UGT2B4: variants seen among roughly 807,000 people sequenced by gnomAD.
UGT2B4 encodes the protein UDP-glucuronosyltransferase 2B4.
A neutral mutation model predicts 49.8 loss-of-function variants in UGT2B4; 49 were observed. The ratio of observed to expected loss-of-function variants is 0.98; its 90% confidence interval spans 0.78 to 1.25. The LOEUF (loss-of-function observed/expected upper bound fraction) is 1.25. Ranked by LOEUF, UGT2B4 falls within the 50% of genes most tolerant of loss-of-function variation. The pLI, the probability that UGT2B4 is intolerant of heterozygous loss-of-function variation, is 0.00. For synonymous variants in UGT2B4, 246 were observed against 217.7 expected (o/e 1.13, Z -1.14); for missense variants, 729 against 627.7 (o/e 1.16, Z -1.73).
chr4:69,500,590 C>CAAGCAAGCAAGCAAGA (rs1728280213), upstream of UGT2B4, among the ~76,000 whole-genome samples: 1 of 61,000 alleles, frequency 1.6e-5, no homozygotes, highest in African/African-American at 5.4e-5. Context: ...AGCAAGAAAG[C>CAAGCAAGCAAGCAAGA]AAGCAAGAAA....
At chr4:69,511,344 T>C (rs1728598387) in intron 1 of UGT2B4, among the ~76,000 whole-genome samples, 1 of 152,140 alleles carries the variant, frequency 6.6e-6, no homozygotes, top group Admixed American at 6.6e-5. Flanking sequence ...TGAGAGACTT[T>C]TTTCTTTTTT....
chr4:69,519,988 T>C (rs1368655889), intron 1 of UGT2B4, among the ~76,000 whole-genome samples: 2 of 152,106 alleles, frequency 1.3e-5, no homozygotes, highest in Non-Finnish European at 2.9e-5. Context: ...AAATATAGTA[T>C]CTCACAAATA....
At chr4:69,516,280 C>T (rs973705055) in intron 1 of UGT2B4, among the ~76,000 whole-genome samples, 7 of 152,078 alleles carry the variant, frequency 4.6e-5, no homozygotes, top group Non-Finnish European at 7.4e-5. Context: ...ATGAACAGTG[C>T]GGCAGTGAAC....
intron 1 of UGT2B4, among the ~76,000 whole-genome samples, chr4:69,509,230 G>A (rs1728550139): frequency 7.2e-6 from 1 of 139,058 alleles, no homozygotes; most frequent in African/African-American, 2.7e-5. Context: ...GCAATGCAGT[G>A]GCAGGATCTC....
At chr4:69,521,946 G>T (rs1364253963) in intron 1 of UGT2B4, among the ~76,000 whole-genome samples, 1 of 152,156 alleles carries the variant, frequency 6.6e-6, no homozygotes, top group Non-Finnish European at 1.5e-5. Flanking sequence ...TGCAGCAAGT[G>T]TAGTATATTA....
upstream of UGT2B4, among the ~76,000 whole-genome samples, chr4:69,496,251 C>A (rs1235705899): frequency 6.6e-6 from 1 of 151,190 alleles, no homozygotes; most frequent in Non-Finnish European, 1.5e-5. Context: ...GGTCTCGAAC[C>A]CCTGACCTTG....
At chr4:69,520,430 C>T (rs375338929) in intron 1 of UGT2B4, among the ~76,000 whole-genome samples, 2 of 152,220 alleles carry the variant, frequency 1.3e-5, no homozygotes, top group East Asian at 3.9e-4. Context: ...AGGGTGGTAG[C>T]ACCGTGCTCC....
intron 1 of UGT2B4, among the ~76,000 whole-genome samples, chr4:69,502,755 T>C (rs1560439343): frequency 6.6e-6 from 1 of 152,162 alleles, no homozygotes; most frequent in East Asian, 1.9e-4. Context: ...TGTGGTGGAA[T>C]TTACCTTGCT....
chr4:69,517,786 T>G (rs564193542), intron 1 of UGT2B4: 1 of 170,002 alleles, frequency 5.9e-6, no homozygotes, highest in African/African-American at 2.4e-5. Flanking sequence ...CAGAAAGGTC[T>G]TTATGTCCGT....
chr4:69,488,922 A>T (rs1426126209), intron 3 of UGT2B4, among the ~76,000 whole-genome samples: 1 of 151,870 alleles, frequency 6.6e-6, no homozygotes, highest in Non-Finnish European at 1.5e-5. Flanking sequence ...CCTGAATATC[A>T]CTTGAATAGG....
In UGT2B4 at chr4:69,484,129, G is replaced by A. The variant is rs41297439; in HGVS notation, c.1310+1079C>T. Reference sequence around the variant, plus strand: ...GGTCTTTTTACACCCACCAAGAATGGTATAACAAAAAGACAAATAATAACA... The same window carrying A: ...GGTCTTTTTACACCCACCAAGAATGATATAACAAAAAGACAAATAATAACA... On this transcript the variant is annotated intron_variant, in intron 5 of 5. Transcript: ENST00000305107. Among the ~76,000 whole-genome samples the A allele has an allele frequency of 8.6e-3, 1,306 of 151,966 alleles. 13 individuals carry two copies. Among genetic ancestry groups the A allele is most frequent in the Non-Finnish European group, 0.015 (1,015 of 67,944 alleles).
At chr4:69,505,473 A>G (rs1468250998) in intron 1 of UGT2B4, among the ~76,000 whole-genome samples, 4 of 151,704 alleles carry the variant, frequency 2.6e-5, no homozygotes, top group Non-Finnish European at 4.4e-5. Flanking sequence ...AAAGAGAAGA[A>G]CACTGCATAA....
At chr4:69,500,288 C>T (rs537180778), upstream of UGT2B4, among the ~76,000 whole-genome samples, 8 of 152,088 alleles carry the variant, frequency 5.3e-5, no homozygotes, top group East Asian at 3.9e-4. Flanking sequence ...TAATGCATTC[C>T]GGGCTTAATA....
intron 1 of UGT2B4, among the ~76,000 whole-genome samples, chr4:69,515,625 C>T (rs957905746): frequency 1.3e-4 from 20 of 151,880 alleles, no homozygotes; most frequent in African/African-American, 4.6e-4. Context: ...AAGCAAACCC[C>T]AAAGCTAGAT....
At chr4:69,512,902 T>C (rs1485754752) in intron 1 of UGT2B4, among the ~76,000 whole-genome samples, 3 of 152,186 alleles carry the variant, frequency 2.0e-5, no homozygotes, top group Non-Finnish European at 4.4e-5. Context: ...TGTATGTTCG[T>C]GTTCTTTGCC....
chr4:69,521,042 C>G (rs943617318), intron 1 of UGT2B4, among the ~76,000 whole-genome samples: 3 of 152,186 alleles, frequency 2.0e-5, no homozygotes, highest in Admixed American at 1.3e-4. Context: ...CCTCCAGATA[C>G]AGTCAGACTC....
rs191191560 is a variant in UGT2B4, at chr4:69,486,677, C to T, written c.1022G>A (p.Gly341Glu). 1.9e-6 allele frequency: 3 copies of T among 1,607,302 alleles called. No individual in the cohort carries two copies. The highest frequency in any genetic ancestry group is 2.5e-6 in the Non-Finnish European group (3 of 1,177,736). The change falls in exon 4 of 6, where the codon GGG (glycine) becomes GAG (glutamate). Residue 341 changes from glycine (G) to glutamate (E), a missense_variant. Coordinates refer to ENST00000305107, the MANE Select transcript of UGT2B4 (RefSeq NM_021139.3). ...GAGTCCTAAAGTATCTGGTTTATTC[C>T]CATCAAATCTCCACAGAACCTGTTA... ...IPQKVLWRFD[G>E]NKPDTLGLNT...
In UGT2B4 at chr4:69,522,639, C is replaced by T. The variant is rs192795439; in HGVS notation, c.-106+3048G>A. Among the ~76,000 whole-genome samples, 461 of 152,144 alleles carry T rather than the reference C, an allele frequency of 3.0e-3. 2 individuals are homozygous for T. Among genetic ancestry groups the T allele is most frequent in the Admixed American group, 5.4e-3 (83 of 15,282 alleles). ...TTTGTTCCTGGAAGATTTTTGCCTC[C>T]GTATTAATGGCTGCTGACTAATCAG... On this transcript the variant is annotated intron_variant, in intron 1 of 1. Coordinates refer to the UGT2B4 transcript ENST00000510114.
chr4:69,512,738 GT>G (rs1044869282), intron 1 of UGT2B4, among the ~76,000 whole-genome samples: 3 of 151,652 alleles, frequency 2.0e-5, no homozygotes, highest in Admixed American at 6.6e-5. Flanking sequence ...TTGTTTGTTT[GT>G]TTTGTTTTGT....
Sources: gnomAD v4.1 joint callset for allele counts (sites outside exome capture counted in the v4.1 genomes callset) on GRCh38, gnomAD v4.1.1 for gene constraint, MANE v1.5 for transcripts, NCBI Gene and HGNC (gene_info 2026-07-23, HGNC 2026-07-21) for gene names.